AXIN2: variants seen among roughly 807,000 people sequenced by gnomAD.
AXIN2 encodes axin-2.
AXIN2 carries 21 observed loss-of-function variants against 74.7 expected under a neutral mutation model. The ratio of observed to expected loss-of-function variants is 0.28; its 90% CI spans 0.20 to 0.40. The LOEUF is 0.40. Ranked by LOEUF, AXIN2 falls within the 10% of genes least tolerant of loss-of-function variation. The pLI is 1.00. For missense variants in AXIN2, 1,144 were observed against 1,111.1 expected, an observed-to-expected ratio of 1.03 and a Z score of -0.42; for synonymous variants, 532 against 454.9, an observed-to-expected ratio of 1.17 and a Z score of -2.16.
chr17:65,558,737 C>T lies in AXIN2; in HGVS notation c.-116-1G>A. The T allele has an allele frequency of 1.8e-6, 2 of 1,092,342 alleles. No homozygotes were observed. Among genetic ancestry groups the T allele is most frequent in the South Asian group, 2.7e-5 (2 of 74,370 alleles). The allele number at this position is 1,092,342 out of a possible 1,614,324, so 67.7% of individuals were successfully genotyped here. Reference sequence around the variant, plus strand: ...GCAGGGGCTCATCTGAACCTCCTCTCTGGAAAGAAAAGGAAGGGGGGAGGT... The same window carrying T: ...GCAGGGGCTCATCTGAACCTCCTCTTTGGAAAGAAAAGGAAGGGGGGAGGT... On this transcript the variant is annotated splice_acceptor_variant, in intron 1 of 10. Coordinates refer to ENST00000307078, the MANE Select transcript of AXIN2 (RefSeq NM_004655.4). LOFTEE classifies it low-confidence loss of function (5UTR_SPLICE).
At position 65,538,352 on chromosome 17, in the gene AXIN2, C is replaced by T. The variant is rs1171798763; in HGVS notation, c.1060-9G>A. 2 of 1,613,794 alleles carry T rather than the reference C, an allele frequency of 1.2e-6. No individual in the cohort carries two copies. Among genetic ancestry groups the T allele is most frequent in the Admixed American group, 1.7e-5 (1 of 59,994 alleles). ...GGCAGGCGGTGGGTTCTCTACAGGA[C>T]GTGGAAAGGAAAGGGAGGAGGCACG... On this transcript the variant is annotated splice_polypyrimidine_tract_variant and intron_variant, in intron 4 of 10. Transcript: ENST00000307078.
chr17:65,536,642 T>C (rs1342379208), intron 7 of AXIN2, 89 bp from the exon 8 acceptor site: 2 of 1,502,164 alleles, frequency 1.3e-6, no homozygotes, highest in Non-Finnish European at 1.8e-6. Flanking sequence ...AACTTGTCTA[T>C]TCTGCTCAGA....
intron 1 of AXIN2, among the ~76,000 whole-genome samples, chr17:65,559,210 G>T (rs2044324288): frequency 6.6e-6 from 1 of 151,988 alleles, no homozygotes. Flanking sequence ...TCCCCACTCG[G>T]CCCTGCACAG....
At chr17:65,547,364 G>A (rs1010540095) in intron 3 of AXIN2, among the ~76,000 whole-genome samples, 4 of 152,316 alleles carry the variant, frequency 2.6e-5, no homozygotes, top group East Asian at 1.9e-4. Flanking sequence ...AGGGCAAAGC[G>A]GGCAAAGTAC....
chr17:65,551,621 G>T (rs2044194853), intron 2 of AXIN2, among the ~76,000 whole-genome samples: 1 of 152,210 alleles, frequency 6.6e-6, no homozygotes, highest in Non-Finnish European at 1.5e-5. Context: ...GTCTCAACAG[G>T]GGATGGTGGG....
chr17:65,544,730 G>A (rs2044093945), intron 3 of AXIN2, among the ~76,000 whole-genome samples: 1 of 152,098 alleles, frequency 6.6e-6, no homozygotes, highest in Admixed American at 6.6e-5. Flanking sequence ...CCTGCTGCCG[G>A]GCCCAGCTGT....
intron 3 of AXIN2, among the ~76,000 whole-genome samples, chr17:65,543,930 G>A (rs1425929171): frequency 6.6e-6 from 1 of 152,182 alleles, no homozygotes; most frequent in African/African-American, 2.4e-5. Context: ...TGGTAGGGGT[G>A]GCGGTATCCC....
intron 4 of AXIN2, among the ~76,000 whole-genome samples, chr17:65,539,266 G>A (rs994438907): frequency 2.0e-5 from 3 of 152,050 alleles, no homozygotes; most frequent in African/African-American, 7.3e-5. Context: ...GCTGGGGTGG[G>A]GGTAGCAGAA....
rs2043767162 is a variant in AXIN2 at position 65,528,677 on chromosome 17, G to T, written c.*1299C>A. On this transcript the variant is annotated 3_prime_UTR_variant, in exon 11 of 11. Transcript: ENST00000307078. ...TAATGCATAATTTACAGTATAAGTAGAACAAAATGTCATGACAAAAGTCAT... is the reference window on the plus strand; with the variant it reads ...TAATGCATAATTTACAGTATAAGTATAACAAAATGTCATGACAAAAGTCAT... 7.8e-6 allele frequency: 4 copies of T among 515,168 alleles called. No individual in the cohort carries two copies. The highest frequency in any genetic ancestry group is 3.8e-5 in the African/African-American group (2 of 52,284). The allele number at this position is 515,168 out of a possible 1,614,324, so 31.9% of individuals were successfully genotyped here. A position where few individuals can be genotyped will look rare whatever the true frequency, so the allele number is the denominator to read the frequency against.
intron 10 of AXIN2, 48 bp downstream of exon 10, chr17:65,533,864 G>C (rs761442775): frequency 1.3e-6 from 2 of 1,591,416 alleles, no homozygotes; most frequent in South Asian, 2.2e-5. Flanking sequence ...CTGGCTCTTG[G>C]TTCTGAGCAA....
At chr17:65,546,775 G>A (rs1160804709) in intron 3 of AXIN2, among the ~76,000 whole-genome samples, 2 of 152,166 alleles carry the variant, frequency 1.3e-5, no homozygotes, top group Non-Finnish European at 1.5e-5. Flanking sequence ...ATGAGCCCAC[G>A]GGTCTCTAGG....
At chr17:65,540,452 A>G (rs183395689) in intron 4 of AXIN2, among the ~76,000 whole-genome samples, 185 of 152,280 alleles carry the variant, frequency 1.2e-3, no homozygotes, top group African/African-American at 4.2e-3. Context: ...AGCATTTCTT[A>G]GTTTCTGGGA....
chr17:65,554,201 G>A (rs948914359), intron 2 of AXIN2, among the ~76,000 whole-genome samples: 4 of 152,160 alleles, frequency 2.6e-5, no homozygotes, highest in African/African-American at 9.7e-5. Flanking sequence ...GCACAGAACT[G>A]ACCTGACAGA....
intron 5 of AXIN2, 123 bp from the exon 6 acceptor site, chr17:65,537,958 G>A (rs2043968163): frequency 5.7e-6 from 8 of 1,396,730 alleles, no homozygotes; most frequent in South Asian, 5.5e-5. Context: ...CCACAGCCAC[G>A]CCCATGCGCA....
intron 3 of AXIN2, among the ~76,000 whole-genome samples, chr17:65,546,250 G>A (rs756910967): frequency 3.3e-4 from 50 of 152,062 alleles, no homozygotes; most frequent in Admixed American, 3.9e-4. Context: ...TAAGCTTCCC[G>A]GGATGAACAA....
At chr17:65,561,274 CCCCGCCACCG>C (rs2044369772) in intron 1 of AXIN2, 166 bp downstream of exon 1, 1 of 144,972 alleles carries the variant, frequency 6.9e-6, no homozygotes, top group African/African-American at 2.5e-5. Context: ...CCCCCCGCAG[CCCCGCCACCG>C]CTCCGCAGGG....
rs551939302 is a variant in AXIN2, at chr17:65,538,136, C to G, written c.1200+67G>C. The G allele has an allele frequency of 2.5e-6, 4 of 1,611,580 alleles. No homozygotes were observed. The African/African-American group carries it at 5.4e-5, about 22-fold the overall frequency. ...CGCACACCCTAACGCACCCCATGCA[C>G]ATGCGCATACACATACGAGCGCTCA... On this transcript the variant is annotated intron_variant, in intron 5 of 10. Transcript: ENST00000307078.
intron 9 of AXIN2, among the ~76,000 whole-genome samples, chr17:65,534,281 T>A (rs1377948522): frequency 6.6e-6 from 1 of 152,212 alleles, no homozygotes; most frequent in Non-Finnish European, 1.5e-5. Flanking sequence ...CAACCCCACA[T>A]GTGCTGCATG....
chr17:65,536,304 C>T lies in AXIN2; in HGVS notation c.2141+16G>A, dbSNP rs2043913236. The T allele has an allele frequency of 1.3e-6, 2 of 1,597,256 alleles. No individual in the cohort carries two copies. Among genetic ancestry groups the T allele is most frequent in the Non-Finnish European group, 1.7e-6 (2 of 1,172,924 alleles). Reference sequence around the variant, plus strand: ...CCAATCCCTGCCTCAACCTAGGACCCTTCACTTCCACTCACCGCTGCTTTG... The same window carrying T: ...CCAATCCCTGCCTCAACCTAGGACCTTTCACTTCCACTCACCGCTGCTTTG... On this transcript the variant is annotated intron_variant, in intron 8 of 10. Coordinates refer to ENST00000307078, the MANE Select transcript of AXIN2 (RefSeq NM_004655.4).
Sources: allele counts gnomAD v4.1 joint callset (sites outside exome capture counted in the v4.1 genomes callset), GRCh38; gene constraint gnomAD v4.1.1; transcripts MANE v1.5; gene names NCBI Gene and HGNC (gene_info 2026-07-23, HGNC 2026-07-21).